The following RALYL variants were observed in gnomAD, a reference collection of about 807,000 sequenced individuals.
RALYL encodes RNA-binding Raly-like protein.
A neutral mutation model predicts 35.1 loss-of-function variants in RALYL; 29 were observed. The ratio of observed to expected loss-of-function variants is 0.83; its 90% CI spans 0.61 to 1.13. The LOEUF (loss-of-function observed/expected upper bound fraction) is 1.13, where lower values mean the gene tolerates loss of function less well. RALYL is among the 50% of genes most tolerant of loss of function. RALYL has a pLI of 0.00. For synonymous variants in RALYL, 120 were observed against 127.6 expected (o/e 0.94, Z 0.40); for missense variants, 359 against 360.4 (o/e 1.00, Z 0.03).
intron 1 of RALYL, among the ~76,000 whole-genome samples, chr8:84,234,196 A>G (rs1249464386): frequency 6.6e-6 from 1 of 152,196 alleles, no homozygotes; most frequent in Non-Finnish European, 1.5e-5. Flanking sequence ...ATACACTTTC[A>G]AGAGTCTAGT....
At chr8:84,867,815 C>G (rs1839444736) in intron 6 of RALYL, among the ~76,000 whole-genome samples, 1 of 152,118 alleles carries the variant, frequency 6.6e-6, no homozygotes, top group East Asian at 1.9e-4. Context: ...CTAACACAGA[C>G]AGGTACTAAT....
chr8:84,541,914 C>T (rs1380830584), intron 2 of RALYL, among the ~76,000 whole-genome samples: 1 of 151,948 alleles, frequency 6.6e-6, no homozygotes, highest in Non-Finnish European at 1.5e-5. Flanking sequence ...CATTTTTCAT[C>T]CGTTTTAATT....
chr8:84,364,125 G>C (rs996244676), intron 1 of RALYL, among the ~76,000 whole-genome samples: 4 of 152,096 alleles, frequency 2.6e-5, no homozygotes, highest in Non-Finnish European at 4.4e-5. Context: ...CAAAAAAGAT[G>C]GTGGGATTGA....
chr8:84,500,338 A>C (rs753928995), intron 1 of RALYL, among the ~76,000 whole-genome samples: 17 of 152,174 alleles, frequency 1.1e-4, no homozygotes, highest in Non-Finnish European at 1.6e-4. Flanking sequence ...TATGTAATCA[A>C]ATCTGATGAA....
At chr8:84,584,538 G>T (rs1331202177) in intron 2 of RALYL, among the ~76,000 whole-genome samples, 1 of 151,856 alleles carries the variant, frequency 6.6e-6, no homozygotes, top group Non-Finnish European at 1.5e-5. Context: ...AGGAGGCAGA[G>T]GTTGCAGTGA....
intron 1 of RALYL, among the ~76,000 whole-genome samples, chr8:84,388,836 C>T (rs1344207166): frequency 6.6e-6 from 1 of 151,972 alleles, no homozygotes; most frequent in African/African-American, 2.4e-5. Context: ...TGCAGAAGCT[C>T]TTTAGTTTAA....
At chr8:84,839,681 C>T (rs977714634) in intron 4 of RALYL, among the ~76,000 whole-genome samples, 18 of 152,244 alleles carry the variant, frequency 1.2e-4, no homozygotes, top group African/African-American at 4.1e-4. Flanking sequence ...TTAAGTGGGT[C>T]CCTGACCCCC....
chr8:84,424,706 G>T (rs1033451811), intron 1 of RALYL, among the ~76,000 whole-genome samples: 1 of 151,962 alleles, frequency 6.6e-6, no homozygotes, highest in Non-Finnish European at 1.5e-5. Flanking sequence ...CTTTGATGAT[G>T]GTGATGTACA....
chr8:84,776,930 G>T (rs1480888908), intron 3 of RALYL, among the ~76,000 whole-genome samples: 3 of 152,102 alleles, frequency 2.0e-5, no homozygotes, highest in Non-Finnish European at 2.9e-5. Context: ...ACAAATTAAG[G>T]CTGTACACTG....
intron 8 of RALYL, among the ~76,000 whole-genome samples, chr8:84,895,753 C>A (rs1986226): frequency 0.46 from 69,557 of 151,922 alleles, 18,944 homozygotes; most frequent in African/African-American, 0.75. Flanking sequence ...ATCAGGTGAT[C>A]CGCCCACCTC....
At chr8:84,719,748 G>T (rs1843554534) in intron 2 of RALYL, among the ~76,000 whole-genome samples, 1 of 151,876 alleles carries the variant, frequency 6.6e-6, no homozygotes, top group Non-Finnish European at 1.5e-5. Context: ...ATCACATCAG[G>T]GTATTTAGCA....
At chr8:84,187,394 G>T (rs966350492) in intron 1 of RALYL, among the ~76,000 whole-genome samples, 12 of 152,028 alleles carry the variant, frequency 7.9e-5, no homozygotes, top group African/African-American at 1.4e-4. Context: ...CATCATTGAA[G>T]ATTAACAGTT....
chr8:84,728,730 G>A (rs1056504950), intron 2 of RALYL, among the ~76,000 whole-genome samples: 6 of 152,162 alleles, frequency 3.9e-5, no homozygotes, highest in African/African-American at 9.6e-5. Context: ...ATTAAATAGG[G>A]AATCCTTTCC....
chr8:84,829,983 T>C (rs1409374700), intron 4 of RALYL, among the ~76,000 whole-genome samples: 1 of 129,534 alleles, frequency 7.7e-6, no homozygotes, highest in Non-Finnish European at 1.6e-5. Context: ...ATATTTTCTC[T>C]ATAAGACACA....
At chr8:84,400,207 G>A (rs991147462) in intron 1 of RALYL, among the ~76,000 whole-genome samples, 6 of 152,158 alleles carry the variant, frequency 3.9e-5, no homozygotes, top group African/African-American at 1.4e-4. Context: ...GTTAGGGATG[G>A]AACCCAATTC....
intron 2 of RALYL, among the ~76,000 whole-genome samples, chr8:84,636,280 C>T (rs934792990): frequency 1.3e-5 from 2 of 151,728 alleles, no homozygotes; most frequent in African/African-American, 4.8e-5. Context: ...TGGAATTTAT[C>T]ACCCTTATCA....
intron 1 of RALYL, among the ~76,000 whole-genome samples, chr8:84,524,188 T>C (rs1245802986): frequency 5.3e-5 from 8 of 152,126 alleles, no homozygotes; most frequent in Admixed American, 3.3e-4. Context: ...AGAAAATTTT[T>C]GCAACCTACT....
intron 2 of RALYL, among the ~76,000 whole-genome samples, chr8:84,761,896 A>G (rs1812799642): frequency 6.6e-6 from 1 of 152,154 alleles, no homozygotes; most frequent in African/African-American, 2.4e-5. Context: ...AAGGGGGCTT[A>G]TGAGTGTGAG....
intron 8 of RALYL, among the ~76,000 whole-genome samples, chr8:84,901,805 A>T (rs1427449967): frequency 6.6e-6 from 1 of 152,126 alleles, no homozygotes; most frequent in Non-Finnish European, 1.5e-5. Flanking sequence ...TTTGATTAAT[A>T]AGCATTTTGT....
Sources: allele counts gnomAD v4.1 joint callset (sites outside exome capture counted in the v4.1 genomes callset), GRCh38; gene constraint gnomAD v4.1.1; transcripts MANE v1.5; gene names NCBI Gene and HGNC (gene_info 2026-07-23, HGNC 2026-07-21).